Variants in IL1RAPL2 observed in about 807,000 individuals in gnomAD.
The protein encoded by IL1RAPL2 is X-linked interleukin-1 receptor accessory protein-like 2.
Under a neutral mutation model 44.1 loss-of-function variants are expected in IL1RAPL2, and 3 were observed. The ratio of observed to expected loss-of-function variants is 0.07; its 90% CI spans 0.03 to 0.18. IL1RAPL2 has a LOEUF of 0.18. Among genes scored for constraint, IL1RAPL2 ranks in the 10% least tolerant of loss-of-function variants. The pLI is 1.00. For synonymous variants in IL1RAPL2, 181 were observed against 178.8 expected, an observed-to-expected ratio of 1.01 and a Z score of -0.10; for missense variants, 391 against 496.4, an observed-to-expected ratio of 0.79 and a Z score of 2.02.
At chrX:105,072,588 G>A (rs1008866814) in intron 2 of IL1RAPL2, among the ~76,000 whole-genome samples, 5 of 110,778 alleles carry the variant, frequency 4.5e-5, no homozygotes, top group Admixed American at 9.6e-5. Context: ...GGTCTCAGAC[G>A]GAAATGAGGA....
At chrX:105,419,585 A>G (rs1471895775) in intron 5 of IL1RAPL2, among the ~76,000 whole-genome samples, 1 of 112,275 alleles carries the variant, frequency 8.9e-6, no homozygotes. Flanking sequence ...TCACAAACAC[A>G]TCCGCATGAG....
At chrX:104,567,944 C>G (rs995493601) in intron 1 of IL1RAPL2, among the ~76,000 whole-genome samples, 2 of 112,539 alleles carry the variant, frequency 1.8e-5, no homozygotes, top group African/African-American at 6.5e-5. Flanking sequence ...CAGCCATCCC[C>G]TCTCCATCTG....
chrX:105,586,527 GT>G (rs1303346994), intron 6 of IL1RAPL2, among the ~76,000 whole-genome samples: 3 of 111,588 alleles, frequency 2.7e-5, no homozygotes, highest in Non-Finnish European at 5.6e-5. Flanking sequence ...TGAAATTTTG[GT>G]TTATGCCCAG....
At chrX:105,089,353 A>G (rs2032514728) in intron 2 of IL1RAPL2, among the ~76,000 whole-genome samples, 1 of 111,266 alleles carries the variant, frequency 9.0e-6, no homozygotes, top group African/African-American at 3.3e-5. Flanking sequence ...AATGTGCAAA[A>G]CTTTCCAACA....
At chrX:105,684,019 ACTAT>A (rs1483825678) in intron 6 of IL1RAPL2, among the ~76,000 whole-genome samples, 2 of 112,450 alleles carry the variant, frequency 1.8e-5, no homozygotes. Context: ...ATATCCAATG[ACTAT>A]CTATTAATTA....
intron 6 of IL1RAPL2, among the ~76,000 whole-genome samples, chrX:105,672,527 G>A (rs939637724): frequency 1.8e-5 from 2 of 112,669 alleles, no homozygotes; most frequent in Non-Finnish European, 3.7e-5. Context: ...AGGGGGTAGA[G>A]GGATGTCTCA....
Position 105,351,026 on chromosome X carries a change from T to C in IL1RAPL2, c.697+83485T>C, listed in dbSNP as rs180879470. 8.1e-5 allele frequency among the ~76,000 whole-genome samples: 9 copies of C among 111,598 alleles called. No homozygotes were observed. In the East Asian group the frequency reaches 2.5e-3, roughly 32 times the overall value. On this transcript the variant is annotated intron_variant, in intron 5 of 10. Transcript: ENST00000372582. ...CAGCCAACAAACATATGAAAAAAGC[T>C]CATCATCACTGGTCATTAGAGAAAT...
At chrX:104,610,693 G>A (rs1929135439) in intron 1 of IL1RAPL2, among the ~76,000 whole-genome samples, 1 of 111,566 alleles carries the variant, frequency 9.0e-6, no homozygotes, top group Non-Finnish European at 1.9e-5. Context: ...CTTGAAAATG[G>A]CCATACTGCC....
intron 2 of IL1RAPL2, among the ~76,000 whole-genome samples, chrX:104,977,837 C>T (rs570760861): frequency 8.0e-5 from 9 of 112,125 alleles, no homozygotes; most frequent in East Asian, 2.8e-4. Context: ...TCTATATCCA[C>T]GTTTTATTAT....
chrX:105,388,725 C>T (rs187910205), intron 5 of IL1RAPL2, among the ~76,000 whole-genome samples: 2 of 111,077 alleles, frequency 1.8e-5, no homozygotes, highest in East Asian at 2.9e-4. Flanking sequence ...ACAAATCCTG[C>T]GTTTTCTTAT....
At chrX:105,197,700 G>C (rs975345225) in intron 3 of IL1RAPL2, among the ~76,000 whole-genome samples, 9 of 110,640 alleles carry the variant, frequency 8.1e-5, no homozygotes, top group Non-Finnish European at 1.3e-4. Context: ...AGATTTCTCT[G>C]CATTTTCTTA....
chrX:104,857,545 A>G (rs1298737663), intron 2 of IL1RAPL2, among the ~76,000 whole-genome samples: 1 of 112,204 alleles, frequency 8.9e-6, no homozygotes, highest in Non-Finnish European at 1.9e-5. Flanking sequence ...TGAGATTCCC[A>G]TAAAGTGAAA....
chrX:105,349,044 A>G (rs1260770649), intron 5 of IL1RAPL2, among the ~76,000 whole-genome samples: 2 of 112,378 alleles, frequency 1.8e-5, no homozygotes, highest in African/African-American at 3.2e-5. Flanking sequence ...ACCAGTTTCA[A>G]GTGCTCTGGA....
chrX:105,080,698 C>T (rs745758757), intron 2 of IL1RAPL2, among the ~76,000 whole-genome samples: 3 of 111,673 alleles, frequency 2.7e-5, no homozygotes, highest in Non-Finnish European at 3.8e-5. Context: ...CTTGGCTATG[C>T]GGGCTCTTTT....
At chrX:105,670,146 T>TATATATATGTATATATATATATATATA (rs1301114173) in intron 6 of IL1RAPL2, among the ~76,000 whole-genome samples, 2 of 46,343 alleles carry the variant, frequency 4.3e-5, no homozygotes, top group Non-Finnish European at 9.0e-5. Flanking sequence ...TATATATATA[T>TATATATATGTATATATATATATATATA]ATCTCCACCA....
chrX:104,809,817 G>C (rs908029376), intron 2 of IL1RAPL2, among the ~76,000 whole-genome samples: 1 of 111,492 alleles, frequency 9.0e-6, no homozygotes, highest in Non-Finnish European at 1.9e-5. Context: ...CCTATGTCCT[G>C]AATGGTAATG....
At chrX:105,095,753 T>A (rs1255773938) in intron 2 of IL1RAPL2, among the ~76,000 whole-genome samples, 1 of 111,941 alleles carries the variant, frequency 8.9e-6, no homozygotes, top group Non-Finnish European at 1.9e-5. Flanking sequence ...GAAGAAAACA[T>A]AGGCATAAAT....
In IL1RAPL2 at chrX:104,723,984, A is replaced by C. The variant is rs1158620702; in HGVS notation, c.82+64989A>C. 4.5e-5 allele frequency among the ~76,000 whole-genome samples: 5 copies of C among 111,792 alleles called. No individual in the cohort carries two copies. The Admixed American group carries it at 4.8e-4, about 11-fold the overall frequency. On this transcript the variant is annotated intron_variant, in intron 2 of 10. Coordinates refer to ENST00000372582, the MANE Select transcript of IL1RAPL2 (RefSeq NM_017416.2). ...ATGAAAGTCAGTAGACACAACAAAC[A>C]ATAGAATTATATCCCTAAGAATTAG... is the stretch of plus-strand genomic sequence containing the variant.
intron 2 of IL1RAPL2, among the ~76,000 whole-genome samples, chrX:105,075,024 G>A (rs1419337327): frequency 1.6e-4 from 18 of 110,945 alleles, no homozygotes; most frequent in Admixed American, 4.8e-4. Flanking sequence ...CTAAATGAAT[G>A]CCCTTTATTT....
Sources: allele counts gnomAD v4.1 joint callset (sites outside exome capture counted in the v4.1 genomes callset), GRCh38; gene constraint gnomAD v4.1.1; transcripts MANE v1.5; gene names NCBI Gene and HGNC (gene_info 2026-07-23, HGNC 2026-07-21).